CTNNA2: variants seen among roughly 807,000 people sequenced by gnomAD.
The protein encoded by CTNNA2 is catenin alpha 2.
CTNNA2 carries 42 observed loss-of-function variants against 101.0 expected under a neutral mutation model. The ratio of observed to expected loss-of-function variants is 0.42; its 90% CI spans 0.32 to 0.54. The LOEUF (loss-of-function observed/expected upper bound fraction) is 0.54. Ranked by LOEUF, CTNNA2 falls within the 20% of genes least tolerant of loss-of-function variation. The pLI, the probability that CTNNA2 is intolerant of heterozygous loss-of-function variation, is 0.14. For missense variants in CTNNA2, 871 were observed against 1,223.1 expected, an observed-to-expected ratio of 0.71 and a Z score of 4.29; for synonymous variants, 450 against 456.4, an observed-to-expected ratio of 0.99 and a Z score of 0.18.
At chr2:80,064,696 G>A (rs1697853260) in intron 7 of CTNNA2, among the ~76,000 whole-genome samples, 1 of 152,134 alleles carries the variant, frequency 6.6e-6, no homozygotes, top group Non-Finnish European at 1.5e-5. Context: ...TTATAGGATG[G>A]TCTCAATATT....
intron 7 of CTNNA2, among the ~76,000 whole-genome samples, chr2:80,259,767 C>G (rs1040092186): frequency 9.2e-5 from 14 of 152,166 alleles, no homozygotes; most frequent in Admixed American, 6.5e-5. Flanking sequence ...TAGGTTTCAG[C>G]CTTTGTTTTC....
chr2:80,562,429 C>T (rs1265521246), intron 12 of CTNNA2, among the ~76,000 whole-genome samples: 1 of 152,088 alleles, frequency 6.6e-6, no homozygotes, highest in Non-Finnish European at 1.5e-5. Flanking sequence ...AAACCATTAC[C>T]CATCAGAATG....
chr2:80,456,233 T>C (rs1001990139), intron 9 of CTNNA2, among the ~76,000 whole-genome samples: 1 of 152,208 alleles, frequency 6.6e-6, no homozygotes, highest in Non-Finnish European at 1.5e-5. Flanking sequence ...AATGCTCCTA[T>C]GTGTAATAAA....
At chr2:80,398,132 G>T (rs1678198465) in intron 8 of CTNNA2, among the ~76,000 whole-genome samples, 1 of 152,140 alleles carries the variant, frequency 6.6e-6, no homozygotes, top group Non-Finnish European at 1.5e-5. Flanking sequence ...TTTAAAAAGT[G>T]CAATTATGTT....
At position 79,857,133 on chromosome 2, in the gene CTNNA2, G is replaced by A. The variant is rs577310728; in HGVS notation, c.299-880G>A. On this transcript the variant is annotated intron_variant, in intron 3 of 18. Transcript: ENST00000402739. ...GGCTCCAGGCTTCAGAGCCCACGAA[G>A]TGTTCATGCTGCCTGAGATCCCCTC... Among the ~76,000 whole-genome samples the A allele has an allele frequency of 9.0e-4, 137 of 152,272 alleles. 1 individual carries two copies. Among genetic ancestry groups the A allele is most frequent in the African/African-American group, 3.2e-3 (133 of 41,556 alleles).
intron 3 of CTNNA2, among the ~76,000 whole-genome samples, chr2:79,372,252 C>G (rs1677889278): frequency 6.6e-6 from 1 of 152,166 alleles, no homozygotes. Context: ...CCCTAGCTGA[C>G]AGGAGGAACG....
chr2:79,461,587 T>C (rs1670879961), intron 4 of CTNNA2, among the ~76,000 whole-genome samples: 1 of 152,130 alleles, frequency 6.6e-6, no homozygotes, highest in Non-Finnish European at 1.5e-5. Context: ...CCCCATTCAT[T>C]ACTCATTTAA....
At chr2:79,543,487 A>G (rs749063408) in intron 1 of CTNNA2, among the ~76,000 whole-genome samples, 5 of 152,152 alleles carry the variant, frequency 3.3e-5, no homozygotes, top group Non-Finnish European at 7.4e-5. Context: ...CTTGCTGGTT[A>G]TAAAAGCAGC....
chr2:80,425,871 T>C (rs1680946466), intron 9 of CTNNA2, among the ~76,000 whole-genome samples: 1 of 152,150 alleles, frequency 6.6e-6, no homozygotes, highest in Non-Finnish European at 1.5e-5. Context: ...TAGTAAAATG[T>C]TCATAGGAAA....
chr2:79,724,400 T>C (rs1686685031), intron 2 of CTNNA2, among the ~76,000 whole-genome samples: 1 of 152,108 alleles, frequency 6.6e-6, no homozygotes, highest in Admixed American at 6.5e-5. Flanking sequence ...CTTTAGTTGG[T>C]GGTTTCTCTA....
chr2:80,530,703 G>A (rs766805976), intron 9 of CTNNA2, among the ~76,000 whole-genome samples: 25 of 152,142 alleles, frequency 1.6e-4, no homozygotes, highest in East Asian at 1.9e-4. Context: ...TGCAATACTT[G>A]GATGGTTTCG....
At position 80,155,320 on chromosome 2, in the gene CTNNA2, G is replaced by A. The variant is rs1245591090; in HGVS notation, c.1057-237891G>A. 2.0e-5 allele frequency among the ~76,000 whole-genome samples: 3 copies of A among 152,192 alleles called. No homozygotes were observed. The East Asian group carries it at 5.8e-4, about 29-fold the overall frequency. The stretch of plus-strand genomic sequence containing the variant: ...ATAGTTCTCCAGCTCTTTAATATCA[G>A]AAGGAATGTAAGTCGCTTTTGCTTA... On this transcript the variant is annotated intron_variant, in intron 7 of 18. Coordinates refer to ENST00000402739, the MANE Select transcript of CTNNA2 (RefSeq NM_001282597.3).
intron 2 of CTNNA2, among the ~76,000 whole-genome samples, chr2:79,693,377 A>G (rs1247989756): frequency 6.6e-6 from 1 of 151,942 alleles, no homozygotes; most frequent in Non-Finnish European, 1.5e-5. Flanking sequence ...ATTGATGTTT[A>G]TGTCCCTAAT....
rs1233768586 is a variant in CTNNA2, at chr2:80,057,175, G to GTT, written c.1056+147392_1056+147393dup. Among the ~76,000 whole-genome samples, 172 of 142,204 alleles carry GTT rather than the reference G, an allele frequency of 1.2e-3. 2 individuals carry two copies. The highest frequency in any genetic ancestry group is 6.0e-3 in the Admixed American group (84 of 14,082). The allele number at this position is 142,204 out of a possible 152,430, so 93.3% of individuals were successfully genotyped here. A position where few individuals can be genotyped will look rare whatever the true frequency, so the allele number is the denominator to read the frequency against. On this transcript the variant is annotated intron_variant, in intron 7 of 18. Transcript: ENST00000402739. ...CCATGGGATAAGAAGTATATAAGTT[G>GTT]TTTTTTTTTTTTTTTAAGGAAGACT...
chr2:80,282,361 T>C (rs1034864017), intron 7 of CTNNA2, among the ~76,000 whole-genome samples: 1 of 152,174 alleles, frequency 6.6e-6, no homozygotes, highest in African/African-American at 2.4e-5. Context: ...TTAGACATGA[T>C]TTTTTGATGG....
Position 80,062,940 on chromosome 2 carries a change from C to T in CTNNA2, c.1056+153143C>T, listed in dbSNP as rs1013954889. Among the ~76,000 whole-genome samples, 22 of 152,188 alleles carry T rather than the reference C, an allele frequency of 1.4e-4. 1 individual carries two copies. The highest frequency in any genetic ancestry group is 4.2e-4 in the South Asian group (2 of 4,810). ...TAGGATGGTCTCGATCTCCTGACCT[C>T]GTGATCCACCTGCCTCGGCCTCCCA... On this transcript the variant is annotated intron_variant, in intron 7 of 18. Transcript: ENST00000402739.
intron 9 of CTNNA2, among the ~76,000 whole-genome samples, chr2:80,519,946 G>T (rs1470650372): frequency 6.6e-6 from 1 of 152,154 alleles, no homozygotes; most frequent in East Asian, 1.9e-4. Context: ...GGTCACGCCT[G>T]TCACACCTTC....
chr2:79,368,911 G>T (rs1162092231), intron 3 of CTNNA2, among the ~76,000 whole-genome samples: 1 of 152,166 alleles, frequency 6.6e-6, no homozygotes, highest in Non-Finnish European at 1.5e-5. Flanking sequence ...TGTTGTTGTC[G>T]TTGTTATTGT....
intron 1 of CTNNA2, among the ~76,000 whole-genome samples, chr2:79,555,351 G>A (rs1674377778): frequency 6.6e-6 from 1 of 152,140 alleles, no homozygotes; most frequent in Non-Finnish European, 1.5e-5. Context: ...CTTGAATGGG[G>A]AGGGAAAGGT....
Sources: allele counts gnomAD v4.1 joint callset (sites outside exome capture counted in the v4.1 genomes callset), GRCh38; gene constraint gnomAD v4.1.1; transcripts MANE v1.5; gene names NCBI Gene and HGNC (gene_info 2026-07-23, HGNC 2026-07-21).